Variants in PRDM1 observed in about 807,000 individuals in gnomAD.
PRDM1 encodes PR/SET domain 1, also known as PR domain zinc finger protein 1.
In PRDM1, 13 loss-of-function variants were observed where a neutral mutation model predicts 62.8. The observed-to-expected ratio is 0.21, with a 90% CI of 0.13 to 0.33. The LOEUF (loss-of-function observed/expected upper bound fraction) is 0.33. Among genes scored for constraint, PRDM1 ranks in the 10% least tolerant of loss-of-function variants. PRDM1 has a pLI of 1.00. For missense variants in PRDM1, 895 were observed against 1,058.8 expected (o/e 0.85, Z 2.15); for synonymous variants, 396 against 417.6 (o/e 0.95, Z 0.63).
intron 1 of PRDM1, among the ~76,000 whole-genome samples, chr6:106,021,985 A>T (rs1349201133): frequency 1.3e-5 from 2 of 152,236 alleles, no homozygotes; most frequent in African/African-American, 2.4e-5. Context: ...GACTGATGAC[A>T]GAGAAAGTCA....
At chr6:106,009,415 C>G (rs1006046562) in intron 1 of PRDM1, among the ~76,000 whole-genome samples, 4 of 152,122 alleles carry the variant, frequency 2.6e-5, no homozygotes, top group African/African-American at 9.7e-5. Context: ...TTTAAATTTA[C>G]TTGGGTTAGT....
chr6:106,108,866 G>A lies in PRDM1; in HGVS notation c.*1380G>A. On this transcript the variant is annotated 3_prime_UTR_variant, in exon 7 of 7. Coordinates refer to ENST00000369096, the MANE Select transcript of PRDM1 (RefSeq NM_001198.4). Reference sequence around the variant, plus strand: ...GAAATGATGTCTTATCTAATGATTTGCTTCTCTAGAGGAGAAACCGAGTAA... The same window carrying A: ...GAAATGATGTCTTATCTAATGATTTACTTCTCTAGAGGAGAAACCGAGTAA... 4.3e-6 allele frequency: 1 copy of A among 232,118 alleles called. No individual in the cohort carries two copies. 14.4% of individuals were successfully genotyped at this position (232,118 alleles called of 1,614,324 possible).
At chr6:106,099,789 G>A in intron 4 of PRDM1, 1 of 524,760 alleles carries the variant, frequency 1.9e-6, no homozygotes, top group Non-Finnish European at 3.3e-6. Flanking sequence ...TTGAATTCAG[G>A]ATGTTACAGG....
chr6:106,075,086 A>G (rs1414739090), intron 1 of PRDM1, among the ~76,000 whole-genome samples: 2 of 152,048 alleles, frequency 1.3e-5, no homozygotes, highest in African/African-American at 2.4e-5. Context: ...AGCATCAACC[A>G]TGTTGATTAT....
At chr6:106,020,014 G>A (rs1049610466) in intron 1 of PRDM1, among the ~76,000 whole-genome samples, 1 of 151,230 alleles carries the variant, frequency 6.6e-6, no homozygotes, top group African/African-American at 2.4e-5. Flanking sequence ...TGGATCACTT[G>A]AGGTCAGGAA....
intron 1 of PRDM1, among the ~76,000 whole-genome samples, chr6:106,030,999 T>C (rs1275955258): frequency 3.0e-5 from 4 of 132,570 alleles, no homozygotes; most frequent in Middle Eastern, 3.6e-3. Flanking sequence ...ATTCTCTCTT[T>C]TTTTTTTTTT....
chr6:106,106,991 C>T lies in PRDM1; in HGVS notation c.1983C>T (p.Cys661=), dbSNP rs1774510465. The T allele has an allele frequency of 6.2e-7, 1 of 1,614,198 alleles. No individual in the cohort carries two copies. Among genetic ancestry groups the T allele is most frequent in the Non-Finnish European group, 8.5e-7 (1 of 1,180,040 alleles). The change falls in exon 7 of 7, where the codon TGC becomes TGT. Residue 661 remains cysteine (C), a synonymous_variant. Transcript: ENST00000369096. This position sits in a 1 kb window ranked among gnomAD's most constrained non-coding sequence, Gnocchi z 4.4. ...RLHSGEKPYQ[C]KVCPAKFTQF... is the part of the protein sequence containing the mutation. The stretch of plus-strand genomic sequence containing the variant: ...ATTCTGGAGAGAAACCATACCAATG[C>T]AAGGTGTGCCCTGCCAAGTTCACCC...
chr6:106,026,811 A>G (rs1388102992), intron 1 of PRDM1, among the ~76,000 whole-genome samples: 1 of 152,258 alleles, frequency 6.6e-6, no homozygotes, highest in Admixed American at 6.5e-5. Context: ...CAACATGGTC[A>G]TGGATGAGAA....
chr6:106,109,745 A>G lies in PRDM1; in HGVS notation c.*2259A>G, dbSNP rs1227021332. On this transcript the variant is annotated 3_prime_UTR_variant, in exon 7 of 7. Transcript: ENST00000369096. ...CATCCTTCTCTTTTCTGCCTCTTAC[A>G]TGTGAATGTTGAGCCCACAATCAAC... 1.3e-5 allele frequency: 3 copies of G among 233,124 alleles called. No individual in the cohort carries two copies. The highest frequency in any genetic ancestry group is 2.5e-5 in the Non-Finnish European group (3 of 117,736). 14.4% of individuals were successfully genotyped at this position (233,124 alleles called of 1,614,324 possible).
intron 1 of PRDM1, among the ~76,000 whole-genome samples, chr6:106,033,228 C>A (rs533169242): frequency 1.3e-5 from 2 of 152,002 alleles, no homozygotes; most frequent in Middle Eastern, 3.2e-3. Context: ...TAATCTGTAA[C>A]TCCTGGGCCC....
chr6:106,043,264 T>C, intron 1 of PRDM1, among the ~76,000 whole-genome samples: 1 of 152,246 alleles, frequency 6.6e-6, no homozygotes, highest in Admixed American at 6.5e-5. Flanking sequence ...ACAATTGCCA[T>C]AATTGGTATT....
At chr6:106,012,299 C>T (rs931553620) in intron 1 of PRDM1, among the ~76,000 whole-genome samples, 1 of 150,446 alleles carries the variant, frequency 6.6e-6, no homozygotes, top group Non-Finnish European at 1.5e-5. Context: ...ACAAACATAC[C>T]ACACACACCA....
chr6:106,021,605 A>G (rs1400415737), intron 1 of PRDM1, among the ~76,000 whole-genome samples: 2 of 152,206 alleles, frequency 1.3e-5, no homozygotes, highest in African/African-American at 4.8e-5. Context: ...TCCTCTTCTC[A>G]AAGTGAAATG....
At chr6:106,064,613 C>A (rs765903526) in intron 1 of PRDM1, among the ~76,000 whole-genome samples, 12 of 152,180 alleles carry the variant, frequency 7.9e-5, no homozygotes, top group Non-Finnish European at 1.5e-4. Context: ...GCAGGAAAAT[C>A]TTCTCTCTGA....
At chr6:106,082,548 A>G (rs76191108), upstream of PRDM1, among the ~76,000 whole-genome samples, 119 of 152,344 alleles carry the variant, frequency 7.8e-4, 2 homozygotes, top group East Asian at 0.023. Context: ...AGATATTAAT[A>G]CTTAGATGTA....
intron 2 of PRDM1, among the ~76,000 whole-genome samples, chr6:106,089,415 C>T (rs1773902453): frequency 6.6e-6 from 1 of 152,072 alleles, no homozygotes; most frequent in South Asian, 2.1e-4. Flanking sequence ...TGGGACTATT[C>T]CTTACAGCCG....
chr6:106,099,223 G>T, intron 3 of PRDM1, 77 bp from the exon 4 acceptor site: 4 of 1,602,472 alleles, frequency 2.5e-6, no homozygotes, highest in Non-Finnish European at 3.4e-6. Context: ...CACGGTACCG[G>T]CTGTGTTTAT....
intron 1 of PRDM1, among the ~76,000 whole-genome samples, chr6:106,011,205 T>C: frequency 6.6e-6 from 1 of 152,226 alleles, no homozygotes; most frequent in East Asian, 1.9e-4. Context: ...ACCGAAGATG[T>C]ACCGAAGACT....
chr6:106,058,479 G>T (rs1773296735), intron 1 of PRDM1, among the ~76,000 whole-genome samples: 1 of 152,154 alleles, frequency 6.6e-6, no homozygotes, highest in South Asian at 2.1e-4. Context: ...ATTTTGGGGG[G>T]ACACAAACAT....
Sources: allele counts gnomAD v4.1 joint callset (sites outside exome capture counted in the v4.1 genomes callset), GRCh38; gene constraint gnomAD v4.1.1; non-coding constraint Gnocchi (gnomAD v3.1); transcripts MANE v1.5; gene names NCBI Gene and HGNC (gene_info 2026-07-23, HGNC 2026-07-21).